The following ATP8A2 variants were observed in gnomAD, a reference collection of about 807,000 sequenced individuals.
The protein encoded by ATP8A2 is phospholipid-transporting ATPase IB.
Under a neutral mutation model 165.6 loss-of-function variants are expected in ATP8A2, and 100 were observed. The ratio of observed to expected loss-of-function variants is 0.60; its 90% CI spans 0.51 to 0.71. The LOEUF (loss-of-function observed/expected upper bound fraction) is 0.71. Ranked by LOEUF, ATP8A2 falls within the 30% of genes least tolerant of loss-of-function variation. ATP8A2 has a pLI of 0.00. For synonymous variants in ATP8A2, 543 were observed against 548.8 expected (o/e 0.99, Z 0.15); for missense variants, 1,227 against 1,479.5 (o/e 0.83, Z 2.80).
intron 24 of ATP8A2, among the ~76,000 whole-genome samples, chr13:25,652,419 C>T (rs2041834806): frequency 6.6e-6 from 1 of 152,160 alleles, no homozygotes; most frequent in Admixed American, 6.5e-5. Context: ...GTGCCAGCGT[C>T]ACAGACTTAG....
chr13:25,559,864 A>C, intron 15 of ATP8A2, 99 bp downstream of exon 15: 1 of 890,086 alleles, frequency 1.1e-6, no homozygotes, highest in Non-Finnish European at 1.8e-6. Flanking sequence ...GCCTCACTCT[A>C]TTGCACAGGA....
chr13:25,917,950 C>T (rs1469084218), intron 33 of ATP8A2, among the ~76,000 whole-genome samples: 4 of 152,090 alleles, frequency 2.6e-5, no homozygotes, highest in Non-Finnish European at 5.9e-5. Flanking sequence ...TCAGAGAATA[C>T]ATTTTTGTTC....
At chr13:25,572,690 C>T (rs1476009068) in intron 18 of ATP8A2, among the ~76,000 whole-genome samples, 6 of 152,102 alleles carry the variant, frequency 3.9e-5, no homozygotes, top group Non-Finnish European at 8.8e-5. Context: ...TTGTTGTCTG[C>T]ATTGATGATA....
chr13:25,825,967 T>C (rs370518376), intron 27 of ATP8A2, among the ~76,000 whole-genome samples: 12 of 152,144 alleles, frequency 7.9e-5, no homozygotes, highest in African/African-American at 2.4e-4. Flanking sequence ...GGGGTGATGG[T>C]CAAAGGGTAC....
At chr13:25,855,697 T>C (rs1952144657) in intron 30 of ATP8A2, among the ~76,000 whole-genome samples, 1 of 152,240 alleles carries the variant, frequency 6.6e-6, no homozygotes. Flanking sequence ...GTACAATGGC[T>C]AGGTCACATG....
intron 33 of ATP8A2, among the ~76,000 whole-genome samples, chr13:25,899,220 T>A (rs1953660261): frequency 6.6e-6 from 1 of 152,208 alleles, no homozygotes; most frequent in Non-Finnish European, 1.5e-5. Context: ...GAAACATGCA[T>A]GCATGGGTTT....
chr13:25,934,823 C>T (rs1237554547), intron 33 of ATP8A2, among the ~76,000 whole-genome samples: 1 of 151,772 alleles, frequency 6.6e-6, no homozygotes, highest in Non-Finnish European at 1.5e-5. Flanking sequence ...CGGGAAAAGA[C>T]AAAGAAAAAA....
intron 33 of ATP8A2, among the ~76,000 whole-genome samples, chr13:25,925,391 G>C (rs918275791): frequency 2.0e-5 from 3 of 152,032 alleles, no homozygotes; most frequent in African/African-American, 7.2e-5. Flanking sequence ...AAAAGTAGCC[G>C]GGTGTGGTGG....
chr13:25,699,230 GAAAATGACGTGGCCCTGATC>G lies in ATP8A2; in HGVS notation c.2271_2290del (p.Glu757AspfsTer40), dbSNP rs1257410004. 1 of 1,613,328 alleles carries G rather than the reference GAAAATGACGTGGCCCTGATC, an allele frequency of 6.2e-7. No individual in the cohort carries two copies. The highest frequency in any genetic ancestry group is 8.5e-7 in the Non-Finnish European group (1 of 1,179,574). On this transcript the variant is annotated frameshift_variant, in exon 25 of 37. Coordinates refer to ENST00000381655, the MANE Select transcript of ATP8A2 (RefSeq NM_016529.6). LOFTEE classifies it high-confidence loss of function. ...TGACCTTGGGAATTTGCTGGGCAAG[GAAAATGACGTGGCCCTGATC>G]ATCGATGGCCACACCCTGAAGTACG...
chr13:25,796,779 T>C lies in ATP8A2; in HGVS notation c.2679+21820T>C, dbSNP rs138455553. On this transcript the variant is annotated intron_variant, in intron 27 of 36. Coordinates refer to ENST00000381655, the MANE Select transcript of ATP8A2 (RefSeq NM_016529.6). ...GTGTATTACTCATTAAATATGGACA[T>C]TGTAGCCAAGAACAGTGTAGTTCCC... Among the ~76,000 whole-genome samples, 181 of 152,344 alleles carry C rather than the reference T, an allele frequency of 1.2e-3. 2 individuals carry two copies. The East Asian group carries it at 0.033, about 27-fold the overall frequency.
chr13:25,388,176 G>A (rs7327751), intron 1 of ATP8A2, among the ~76,000 whole-genome samples: 1,664 of 152,248 alleles, frequency 0.011, 35 homozygotes, highest in African/African-American at 0.037. Flanking sequence ...GAAAGGAAGG[G>A]AGGGAAGGAG....
intron 24 of ATP8A2, among the ~76,000 whole-genome samples, chr13:25,648,591 G>A (rs779191386): frequency 6.6e-6 from 1 of 152,126 alleles, no homozygotes; most frequent in Non-Finnish European, 1.5e-5. Flanking sequence ...TTGAACCTGG[G>A]AGGCAGAGGT....
intron 33 of ATP8A2, among the ~76,000 whole-genome samples, chr13:25,949,555 G>A (rs1016094641): frequency 1.1e-4 from 16 of 152,290 alleles, no homozygotes; most frequent in African/African-American, 3.6e-4. Context: ...TTGCCTATAA[G>A]TACACAATAT....
intron 1 of ATP8A2, among the ~76,000 whole-genome samples, chr13:25,443,617 C>T (rs1412854896): frequency 6.6e-6 from 1 of 152,240 alleles, no homozygotes; most frequent in African/African-American, 2.4e-5. Context: ...CAGCCATTTA[C>T]ATGGGCAATG....
At chr13:25,399,419 G>A (rs1267087701) in intron 1 of ATP8A2, among the ~76,000 whole-genome samples, 6 of 4,268 alleles carry the variant, frequency 1.4e-3, no homozygotes, top group African/African-American at 2.4e-3. Context: ...TTTTTTTTGA[G>A]ACGGAGTTTC....
intron 1 of ATP8A2, among the ~76,000 whole-genome samples, chr13:25,451,069 T>G (rs2035211443): frequency 6.6e-6 from 1 of 152,156 alleles, no homozygotes. Flanking sequence ...CTTTTTCCCT[T>G]GGGACTCCAA....
At chr13:25,521,862 T>C (rs564113636) in intron 2 of ATP8A2, among the ~76,000 whole-genome samples, 80 of 152,302 alleles carry the variant, frequency 5.3e-4, no homozygotes, top group African/African-American at 1.8e-3. Flanking sequence ...CCATGCTGAT[T>C]TGGTTACTAC....
chr13:25,952,035 C>T lies in ATP8A2; in HGVS notation c.3184-9540C>T, dbSNP rs75231455. 6.1e-3 allele frequency among the ~76,000 whole-genome samples: 923 copies of T among 152,188 alleles called. 16 individuals are homozygous for T. Among genetic ancestry groups the T allele is most frequent in the African/African-American group, 0.02 (841 of 41,502 alleles). On this transcript the variant is annotated intron_variant, in intron 33 of 36. Transcript: ENST00000381655. The stretch of plus-strand genomic sequence containing the variant: ...TGGCTTGTTATTTAAACATTGGGAT[C>T]GGGTGTGTGGGTGGTTTTTAAGTTA...
intron 27 of ATP8A2, among the ~76,000 whole-genome samples, chr13:25,814,086 C>T (rs1950946560): frequency 1.2e-5 from 1 of 82,672 alleles, no homozygotes; most frequent in African/African-American, 4.8e-5. Context: ...TCTTCATGTG[C>T]TCACACATAC....
Sources: gnomAD v4.1 joint callset for allele counts (sites outside exome capture counted in the v4.1 genomes callset) on GRCh38, gnomAD v4.1.1 for gene constraint, MANE v1.5 for transcripts, NCBI Gene and HGNC (gene_info 2026-07-23, HGNC 2026-07-21) for gene names.